The following NRG2 variants were observed in gnomAD, a reference collection of about 807,000 sequenced individuals.
NRG2 encodes neuregulin 2.
NRG2 carries 27 observed loss-of-function variants against 73.9 expected under a neutral mutation model. The ratio of observed to expected loss-of-function variants is 0.37; its 90% CI spans 0.27 to 0.50. The LOEUF (loss-of-function observed/expected upper bound fraction) is 0.50. NRG2 is among the 20% of genes least tolerant of loss of function. The pLI is 0.96. For synonymous variants in NRG2, 532 were observed against 541.0 expected, an observed-to-expected ratio of 0.98 and a Z score of 0.23; for missense variants, 1,126 against 1,210.1, an observed-to-expected ratio of 0.93 and a Z score of 1.03.
At chr5:139,903,929 G>A (rs1404957619) in intron 1 of NRG2, among the ~76,000 whole-genome samples, 1 of 152,236 alleles carries the variant, frequency 6.6e-6, no homozygotes, top group Admixed American at 6.5e-5. Context: ...AGCTCCCGGA[G>A]CGCTCGGCGG....
chr5:139,974,899 C>T (rs1332860368), intron 1 of NRG2, among the ~76,000 whole-genome samples: 1 of 152,242 alleles, frequency 6.6e-6, no homozygotes, highest in African/African-American at 2.4e-5. Context: ...GACAGGCCCA[C>T]AGAATGGCTG....
At chr5:139,920,941 T>C (rs1751613109) in intron 1 of NRG2, among the ~76,000 whole-genome samples, 1 of 152,238 alleles carries the variant, frequency 6.6e-6, no homozygotes, top group Non-Finnish European at 1.5e-5. Context: ...GTCAATCACT[T>C]TCCTATATAT....
chr5:140,003,486 G>T (rs1204609796), intron 1 of NRG2, among the ~76,000 whole-genome samples: 1 of 152,178 alleles, frequency 6.6e-6, no homozygotes, highest in African/African-American at 2.4e-5. Flanking sequence ...TGCTGGTTTT[G>T]AAGGTGGAAA....
intron 1 of NRG2, among the ~76,000 whole-genome samples, chr5:139,956,202 C>T (rs915726347): frequency 2.6e-5 from 4 of 152,128 alleles, no homozygotes; most frequent in African/African-American, 9.7e-5. Flanking sequence ...TTGTAGGAAT[C>T]ACTGTCAACA....
At chr5:139,877,044 C>A (rs879159754) in intron 3 of NRG2, among the ~76,000 whole-genome samples, 1 of 152,072 alleles carries the variant, frequency 6.6e-6, no homozygotes, top group Admixed American at 6.5e-5. Context: ...TCCTATGACA[C>A]CCCAGGTCAA....
chr5:139,906,516 A>C (rs1000907859), intron 1 of NRG2, among the ~76,000 whole-genome samples: 1 of 151,964 alleles, frequency 6.6e-6, no homozygotes, highest in Non-Finnish European at 1.5e-5. Context: ...TACTATACTA[A>C]TCTCTCTGCC....
intron 1 of NRG2, among the ~76,000 whole-genome samples, chr5:139,983,005 G>A (rs1047743317): frequency 2.6e-5 from 4 of 152,144 alleles, no homozygotes; most frequent in African/African-American, 9.7e-5. Context: ...GATGTCTGGG[G>A]GATTAACCTC....
chr5:139,905,920 C>T (rs1006223817), intron 1 of NRG2, among the ~76,000 whole-genome samples: 1 of 152,222 alleles, frequency 6.6e-6, no homozygotes, highest in African/African-American at 2.4e-5. Context: ...GGTTCATTCC[C>T]TCTTCCTATC....
intron 3 of NRG2, among the ~76,000 whole-genome samples, chr5:139,876,424 G>A (rs1763178198): frequency 6.6e-6 from 1 of 152,114 alleles, no homozygotes; most frequent in Non-Finnish European, 1.5e-5. Context: ...ATATAACCTT[G>A]TGAATATACT....
chr5:140,027,762 C>T (rs919471763), intron 1 of NRG2, among the ~76,000 whole-genome samples: 9 of 152,102 alleles, frequency 5.9e-5, no homozygotes, highest in African/African-American at 2.2e-4. Context: ...TGGAACATAT[C>T]CCGCATGGAT....
At chr5:139,854,981 G>A (rs1761714615) in intron 6 of NRG2, among the ~76,000 whole-genome samples, 1 of 152,136 alleles carries the variant, frequency 6.6e-6, no homozygotes, top group African/African-American at 2.4e-5. Flanking sequence ...GCTAGTCTGG[G>A]CTGCCCATGC....
At chr5:140,014,033 A>G (rs533422359) in intron 1 of NRG2, among the ~76,000 whole-genome samples, 1 of 152,148 alleles carries the variant, frequency 6.6e-6, no homozygotes, top group Admixed American at 6.5e-5. Context: ...GGTGATCTCA[A>G]CTACTTTCAT....
intron 1 of NRG2, among the ~76,000 whole-genome samples, chr5:139,957,449 T>C (rs1380175377): frequency 1.3e-5 from 2 of 152,116 alleles, no homozygotes; most frequent in Non-Finnish European, 2.9e-5. Flanking sequence ...CCACTTGCTA[T>C]ACAGGTAAGG....
intron 1 of NRG2, among the ~76,000 whole-genome samples, chr5:139,977,804 T>C (rs541495014): frequency 9.9e-5 from 15 of 152,276 alleles, no homozygotes; most frequent in Admixed American, 5.9e-4. Flanking sequence ...TCTACAACTA[T>C]CTGATCTTTG....
In NRG2 at chr5:139,961,880, G is replaced by A. The variant is rs139932973; in HGVS notation, c.701-74369C>T. 3.6e-3 allele frequency among the ~76,000 whole-genome samples: 542 copies of A among 152,264 alleles called. 3 individuals carry two copies. Among genetic ancestry groups the A allele is most frequent in the African/African-American group, 0.012 (503 of 41,542 alleles). ...ACTGTCCTGACTTGGCATTAGCTTG[G>A]GGACATGCAAACTCATCCAGCCTCA... On this transcript the variant is annotated intron_variant, in intron 1 of 9. Transcript: ENST00000361474.
chr5:140,000,415 T>C (rs1275269649), intron 1 of NRG2, among the ~76,000 whole-genome samples: 8 of 152,220 alleles, frequency 5.3e-5, no homozygotes, highest in African/African-American at 1.9e-4. Context: ...CTTAGCACTC[T>C]AGCCACTCCA....
intron 1 of NRG2, among the ~76,000 whole-genome samples, chr5:139,939,846 T>A (rs1210307742): frequency 6.6e-6 from 1 of 151,924 alleles, no homozygotes; most frequent in African/African-American, 2.4e-5. Flanking sequence ...AAAAAAAATA[T>A]ATAGCAATGG....
intron 1 of NRG2, among the ~76,000 whole-genome samples, chr5:139,953,053 G>T (rs912336024): frequency 3.3e-5 from 5 of 151,842 alleles, no homozygotes; most frequent in Non-Finnish European, 7.4e-5. Flanking sequence ...AAAGAGAGAA[G>T]AAGAAAGAGC....
chr5:139,884,656 G>T (rs955683304), intron 2 of NRG2, among the ~76,000 whole-genome samples: 4 of 152,156 alleles, frequency 2.6e-5, no homozygotes, highest in Non-Finnish European at 4.4e-5. Flanking sequence ...CTGAAGAAAA[G>T]GACAAGGTGT....
Sources: allele counts gnomAD v4.1 joint callset (sites outside exome capture counted in the v4.1 genomes callset), GRCh38; gene constraint gnomAD v4.1.1; transcripts MANE v1.5; gene names NCBI Gene and HGNC (gene_info 2026-07-23, HGNC 2026-07-21).